The following IGSF11 variants were observed in gnomAD, a reference collection of about 807,000 sequenced individuals.
IGSF11 encodes the protein immunoglobulin superfamily member 11, also known as CXADR like 1.
Under a neutral mutation model 41.0 loss-of-function variants are expected in IGSF11, and 22 were observed. The ratio of observed to expected loss-of-function variants is 0.54; its 90% CI spans 0.38 to 0.77. The LOEUF (loss-of-function observed/expected upper bound fraction) is 0.77. IGSF11 is among the 30% of genes least tolerant of loss of function. The probability of loss-of-function intolerance (pLI) is 0.00; values close to 1 mark genes in which losing one functional copy is unlikely to be tolerated. For missense variants in IGSF11, 444 were observed against 530.8 expected (o/e 0.84, Z 1.61); for synonymous variants, 219 against 201.3 (o/e 1.09, Z -0.74).
intron 1 of IGSF11, among the ~76,000 whole-genome samples, chr3:118,986,283 C>T (rs1439619248): frequency 6.6e-6 from 1 of 152,136 alleles, no homozygotes; most frequent in Non-Finnish European, 1.5e-5. Flanking sequence ...ACCCATCGCA[C>T]CCCATTTAAA....
At position 118,902,740 on chromosome 3, in the gene IGSF11, G is replaced by T; in HGVS notation, c.1076C>A (p.Ala359Asp). Residue 359 changes from alanine (A) to aspartate (D), a missense_variant, in exon 7 of 7, where the codon GCT becomes GAT. By Grantham distance (126) the Ala-to-Asp change is moderately radical. Around this residue, in one of 3 missense-constraint regions of IGSF11, gnomAD observed 223 missense variants for 226.2 expected, o/e 0.99. Transcript: ENST00000393775. The part of the protein sequence containing the change: ...SGNANIPSIY[A>D]NGTHLVPGQH... Reference sequence around the variant, plus strand: ...ACCCGGGACCAGATGGGTCCCATTAGCATAAATGGATGGTATGTTGGCATT... The same window carrying T: ...ACCCGGGACCAGATGGGTCCCATTATCATAAATGGATGGTATGTTGGCATT... The T allele has an allele frequency of 5.0e-6, 8 of 1,614,052 alleles. No individual in the cohort carries two copies. Among genetic ancestry groups the T allele is most frequent in the Non-Finnish European group, 6.8e-6 (8 of 1,179,934 alleles).
intron 1 of IGSF11, among the ~76,000 whole-genome samples, chr3:119,113,301 A>C (rs572661350): frequency 5.9e-5 from 9 of 152,222 alleles, no homozygotes; most frequent in Non-Finnish European, 1.3e-4. Context: ...AGAAGTCCAC[A>C]GTCCAAAGTC....
intron 1 of IGSF11, among the ~76,000 whole-genome samples, chr3:118,932,631 T>C (rs1942947101): frequency 1.3e-5 from 2 of 152,182 alleles, no homozygotes; most frequent in East Asian, 1.9e-4. Context: ...GGTTACTTGA[T>C]CATGGAGCAG....
intron 4 of IGSF11, 167 bp downstream of exon 4, chr3:118,925,934 G>C (rs1164579528): frequency 1.7e-5 from 7 of 412,692 alleles, no homozygotes; most frequent in Middle Eastern, 6.3e-4. Context: ...AGAGAAGAGA[G>C]AGAAAATCTT....
intron 1 of IGSF11, among the ~76,000 whole-genome samples, chr3:119,112,303 C>T (rs944226093): frequency 5.3e-5 from 8 of 152,164 alleles, no homozygotes; most frequent in African/African-American, 1.2e-4. Flanking sequence ...CAATGGTGGG[C>T]GCCCCTCCCC....
chr3:119,047,274 T>C (rs1941398406), intron 1 of IGSF11, among the ~76,000 whole-genome samples: 1 of 151,970 alleles, frequency 6.6e-6, no homozygotes, highest in South Asian at 2.1e-4. Context: ...GAGACACACA[T>C]TGGCTCAAAA....
chr3:119,140,437 T>G (rs1438322895), intron 1 of IGSF11, among the ~76,000 whole-genome samples: 1 of 152,058 alleles, frequency 6.6e-6, no homozygotes, highest in African/African-American at 2.4e-5. Flanking sequence ...TATAAACACA[T>G]ATAGCCCTAA....
chr3:119,133,502 C>T (rs1475614286), intron 1 of IGSF11, among the ~76,000 whole-genome samples: 1 of 152,158 alleles, frequency 6.6e-6, no homozygotes, highest in African/African-American at 2.4e-5. Flanking sequence ...CACATGCACC[C>T]TCTCAAGAAT....
chr3:118,938,019 C>CA (rs1943404460), intron 1 of IGSF11, among the ~76,000 whole-genome samples: 1 of 151,324 alleles, frequency 6.6e-6, no homozygotes, highest in African/African-American at 2.4e-5. Context: ...CTCTCTCTCT[C>CA]TCTCATATAT....
chr3:119,065,991 G>A (rs1276561825), intron 1 of IGSF11, among the ~76,000 whole-genome samples: 1 of 151,710 alleles, frequency 6.6e-6, no homozygotes, highest in African/African-American at 2.4e-5. Flanking sequence ...AAAACTTCAG[G>A]TATTTTATTT....
chr3:118,980,908 A>G (rs1404982197), intron 1 of IGSF11, among the ~76,000 whole-genome samples: 1 of 152,226 alleles, frequency 6.6e-6, no homozygotes, highest in Non-Finnish European at 1.5e-5. Context: ...CCTAAGAAGT[A>G]CATTTTAAGA....
At chr3:119,059,849 T>G (rs1941997623) in intron 1 of IGSF11, among the ~76,000 whole-genome samples, 1 of 152,148 alleles carries the variant, frequency 6.6e-6, no homozygotes, top group South Asian at 2.1e-4. Flanking sequence ...GAGCCTCATA[T>G]TTGGAATTGT....
chr3:119,061,391 C>T (rs1942046440), intron 1 of IGSF11, among the ~76,000 whole-genome samples: 1 of 152,132 alleles, frequency 6.6e-6, no homozygotes, highest in Non-Finnish European at 1.5e-5. Context: ...GATTCTCTGA[C>T]ACCAGCAGGA....
intron 1 of IGSF11, among the ~76,000 whole-genome samples, chr3:119,118,809 ACTT>A (rs1186782296): frequency 2.0e-5 from 3 of 152,130 alleles, no homozygotes; most frequent in African/African-American, 4.8e-5. Context: ...CTGCTTAGAA[ACTT>A]CTTCTGCCAG....
chr3:119,046,126 G>A (rs1478888526), intron 1 of IGSF11, among the ~76,000 whole-genome samples: 8 of 151,008 alleles, frequency 5.3e-5, no homozygotes, highest in African/African-American at 9.8e-5. Context: ...CACCAGCAAC[G>A]GAACAAAGCT....
intron 1 of IGSF11, among the ~76,000 whole-genome samples, chr3:119,093,081 CAT>C (rs1314883692): frequency 6.6e-6 from 1 of 152,106 alleles, no homozygotes; most frequent in Non-Finnish European, 1.5e-5. Context: ...TTAAGTAACA[CAT>C]GATTGTATAT....
At chr3:118,945,551 T>C (rs140026786) in intron 1 of IGSF11, among the ~76,000 whole-genome samples, 1 of 152,188 alleles carries the variant, frequency 6.6e-6, no homozygotes, top group African/African-American at 2.4e-5. Context: ...AAGATAAGAC[T>C]AAATGAAACC....
intron 1 of IGSF11, among the ~76,000 whole-genome samples, chr3:119,049,230 A>G (rs1014795386): frequency 6.6e-6 from 1 of 151,664 alleles, no homozygotes; most frequent in East Asian, 1.9e-4. Context: ...AGATGACATG[A>G]TTGTATATCT....
At chr3:118,934,642 A>C (rs1943103901) in intron 1 of IGSF11, among the ~76,000 whole-genome samples, 2 of 152,194 alleles carry the variant, frequency 1.3e-5, no homozygotes, top group South Asian at 4.1e-4. Context: ...GCACCTCAAA[A>C]GTGTGCTTGT....
Sources: allele counts gnomAD v4.1 joint callset (sites outside exome capture counted in the v4.1 genomes callset), GRCh38; gene constraint gnomAD v4.1.1; regional missense constraint gnomAD v4.1.1; transcripts MANE v1.5; gene names NCBI Gene and HGNC (gene_info 2026-07-23, HGNC 2026-07-21).